TBX19: variants seen among roughly 807,000 people sequenced by gnomAD.
TBX19 encodes the protein T-box transcription factor 19.
A neutral mutation model predicts 40.9 loss-of-function variants in TBX19; 33 were observed. The observed-to-expected ratio is 0.81, with a 90% confidence interval of 0.61 to 1.08. The LOEUF (loss-of-function observed/expected upper bound fraction) is 1.08. Among genes scored for constraint, TBX19 ranks in the 50% least tolerant of loss-of-function variants. The pLI, the probability that TBX19 is intolerant of heterozygous loss-of-function variation, is 0.00. For synonymous variants in TBX19, 220 were observed against 225.0 expected (o/e 0.98, Z 0.20); for missense variants, 494 against 574.0 (o/e 0.86, Z 1.42).
intron 1 of TBX19, among the ~76,000 whole-genome samples, chr1:168,281,961 C>T (rs1023385484): frequency 6.6e-6 from 1 of 152,176 alleles, no homozygotes; most frequent in African/African-American, 2.4e-5. Context: ...AAACTGATCT[C>T]TGGTGGCATT....
At chr1:168,282,346 A>G (rs1449580648) in intron 1 of TBX19, among the ~76,000 whole-genome samples, 1 of 152,228 alleles carries the variant, frequency 6.6e-6, no homozygotes, top group African/African-American at 2.4e-5. Flanking sequence ...AGTATAGAAA[A>G]TGAACTATTT....
intron 1 of TBX19, among the ~76,000 whole-genome samples, chr1:168,288,094 C>T (rs1648846682): frequency 6.6e-6 from 1 of 152,132 alleles, no homozygotes; most frequent in Admixed American, 6.6e-5. Context: ...TTGGCATCCG[C>T]AGAGGATTGT....
intron 5 of TBX19, among the ~76,000 whole-genome samples, chr1:168,303,730 G>C (rs1305706656): frequency 1.3e-5 from 2 of 152,174 alleles, no homozygotes. Context: ...AGTTTTTCAG[G>C]AAAGGGGCGG....
intron 1 of TBX19, among the ~76,000 whole-genome samples, chr1:168,286,418 C>T (rs1648806304): frequency 6.6e-6 from 1 of 152,238 alleles, no homozygotes; most frequent in African/African-American, 2.4e-5. Context: ...CACTAATCTA[C>T]TTTCTGTTTC....
intron 6 of TBX19, 27 bp from the exon 7 acceptor site, chr1:168,308,715 C>G (rs771920337): frequency 6.2e-7 from 1 of 1,614,068 alleles, no homozygotes; most frequent in Admixed American, 1.7e-5. Flanking sequence ...CATTTGCTAT[C>G]AATTCAACTG....
intron 5 of TBX19, among the ~76,000 whole-genome samples, chr1:168,304,456 C>T (rs894881220): frequency 1.3e-5 from 2 of 152,040 alleles, no homozygotes; most frequent in African/African-American, 2.4e-5. Flanking sequence ...TCTCTAAAGG[C>T]CTATCTTAGG....
rs1386790533 is a variant in TBX19, at chr1:168,313,196, C to T, written c.*194C>T. On this transcript the variant is annotated 3_prime_UTR_variant, in exon 8 of 8. Transcript: ENST00000367821. ...TGCTAGTTAGATCATTTGCATCTCT[C>T]CACCATTTTCTTCTGCACTCCCATT... 1 of 660,750 alleles carries T rather than the reference C, an allele frequency of 1.5e-6. No individual in the cohort carries two copies. The highest frequency in any genetic ancestry group is 2.7e-5 in the Admixed American group (1 of 36,616). 40.9% of individuals were successfully genotyped at this position (660,750 alleles called of 1,614,324 possible). A position where few individuals can be genotyped will look rare whatever the true frequency, so the allele number is the denominator to read the frequency against.
intron 7 of TBX19, among the ~76,000 whole-genome samples, chr1:168,309,218 C>G (rs888885190): frequency 2.6e-5 from 4 of 152,018 alleles, no homozygotes; most frequent in Non-Finnish European, 5.9e-5. Context: ...ACTAAAAATA[C>G]AAAAATTAGC....
chr1:168,283,393 T>A (rs1459479284), intron 1 of TBX19, among the ~76,000 whole-genome samples: 2 of 152,156 alleles, frequency 1.3e-5, no homozygotes, highest in Admixed American at 6.5e-5. Flanking sequence ...AAAGTTTCCT[T>A]TATACTTTGA....
chr1:168,285,743 T>C (rs1288317885), intron 1 of TBX19, among the ~76,000 whole-genome samples: 1 of 152,212 alleles, frequency 6.6e-6, no homozygotes, highest in African/African-American at 2.4e-5. Flanking sequence ...ACACTCTGGG[T>C]TTCTCTATGT....
chr1:168,311,910 G>C (rs892244461), intron 7 of TBX19, among the ~76,000 whole-genome samples: 1 of 152,110 alleles, frequency 6.6e-6, no homozygotes, highest in Non-Finnish European at 1.5e-5. Flanking sequence ...GCAGGGGAGT[G>C]GGGTGAGAGT....
chr1:168,281,673 T>G (rs1648655127), intron 1 of TBX19, among the ~76,000 whole-genome samples: 1 of 152,198 alleles, frequency 6.6e-6, no homozygotes, highest in African/African-American at 2.4e-5. Flanking sequence ...AAAGACAACT[T>G]TATTTGGAAG....
chr1:168,306,677 G>C (rs1649412244), intron 6 of TBX19, among the ~76,000 whole-genome samples: 2 of 151,244 alleles, frequency 1.3e-5, no homozygotes, highest in African/African-American at 4.9e-5. Context: ...GAGGAGCTCG[G>C]GGTTACACAA....
intron 4 of TBX19, among the ~76,000 whole-genome samples, chr1:168,298,654 T>C (rs1649177658): frequency 6.6e-6 from 1 of 151,330 alleles, no homozygotes; most frequent in Non-Finnish European, 1.5e-5. Context: ...TCTTTCCCTT[T>C]CCTTCTTTTC....
At chr1:168,293,326 T>TGTG (rs1649000313) in intron 3 of TBX19, 48 bp downstream of exon 3, 12 of 1,514,260 alleles carry the variant, frequency 7.9e-6, no homozygotes, top group Non-Finnish European at 1.1e-5. Context: ...TGTGTGTGTG[T>TGTG]AACTGTCACC....
chr1:168,298,174 C>T (rs531415852), intron 4 of TBX19, among the ~76,000 whole-genome samples: 21 of 152,092 alleles, frequency 1.4e-4, no homozygotes, highest in Admixed American at 2.0e-4. Context: ...CCAGCCTGGG[C>T]GACAGAGCGA....
intron 6 of TBX19, 47 bp downstream of exon 6, chr1:168,305,243 G>T (rs886510254): frequency 6.3e-7 from 1 of 1,588,164 alleles, no homozygotes; most frequent in South Asian, 1.1e-5. Flanking sequence ...GCTGGGGTGG[G>T]GGCAGTCAGG....
chr1:168,310,120 G>A (rs910816266), intron 7 of TBX19, among the ~76,000 whole-genome samples: 1 of 152,008 alleles, frequency 6.6e-6, no homozygotes, highest in African/African-American at 2.4e-5. Flanking sequence ...TGGCCAACAT[G>A]GTGAAACCCC....
intron 4 of TBX19, among the ~76,000 whole-genome samples, chr1:168,299,017 G>A (rs532533760): frequency 1.3e-5 from 2 of 148,454 alleles, no homozygotes; most frequent in East Asian, 2.0e-4. Flanking sequence ...GGGTGCAAGC[G>A]ATTCTCATGT....
Sources: gnomAD v4.1 joint callset for allele counts (sites outside exome capture counted in the v4.1 genomes callset) on GRCh38, gnomAD v4.1.1 for gene constraint, MANE v1.5 for transcripts, NCBI Gene and HGNC (gene_info 2026-07-23, HGNC 2026-07-21) for gene names.